The following ZNF385D variants were observed in gnomAD, a reference collection of about 807,000 sequenced individuals.
ZNF385D encodes the protein zinc finger protein 385D.
ZNF385D carries 15 observed loss-of-function variants against 35.8 expected under a neutral mutation model. That is an observed-to-expected ratio of 0.42 (90% CI 0.28 to 0.64). The LOEUF (loss-of-function observed/expected upper bound fraction) is 0.64, where lower values mean the gene tolerates loss of function less well. ZNF385D is among the 30% of genes least tolerant of loss of function. The probability of loss-of-function intolerance (pLI) is 0.23; values close to 1 mark genes in which losing one functional copy is unlikely to be tolerated. For synonymous variants in ZNF385D, 212 were observed against 186.8 expected, an observed-to-expected ratio of 1.13 and a Z score of -1.10; for missense variants, 474 against 494.6, an observed-to-expected ratio of 0.96 and a Z score of 0.39.
chr3:21,757,444 A>C (rs1190422482), intron 3 of ZNF385D, among the ~76,000 whole-genome samples: 10 of 152,242 alleles, frequency 6.6e-5, no homozygotes, highest in Non-Finnish European at 4.4e-5. Flanking sequence ...CACCTGGCCT[A>C]AATTTATTAT....
chr3:21,576,870 T>C (rs1186616219), intron 2 of ZNF385D, among the ~76,000 whole-genome samples: 2 of 152,328 alleles, frequency 1.3e-5, no homozygotes, highest in Non-Finnish European at 2.9e-5. Context: ...TAGAACATTA[T>C]TATTTTTAAT....
chr3:22,174,644 A>G (rs2125768287), intron 2 of ZNF385D, among the ~76,000 whole-genome samples: 1 of 152,292 alleles, frequency 6.6e-6, no homozygotes, highest in South Asian at 2.1e-4. Context: ...AAATTCCTTT[A>G]GAAATCTTGA....
At chr3:21,821,758 C>T (rs994897549) in intron 3 of ZNF385D, among the ~76,000 whole-genome samples, 9 of 151,994 alleles carry the variant, frequency 5.9e-5, no homozygotes, top group Non-Finnish European at 1.0e-4. Context: ...CTCAGGAGTT[C>T]GAGACCAGAC....
chr3:22,235,547 C>T lies in ZNF385D; in HGVS notation c.107-66512G>A, dbSNP rs190080775. The stretch of plus-strand genomic sequence containing the variant: ...AGAGACAAAATATTCAACTCTTATG[C>T]TAAACAGTGTTTTCTAAATGTTTAA... On this transcript the variant is annotated intron_variant, in intron 2 of 5. Coordinates refer to the ZNF385D transcript ENST00000494108. Among the ~76,000 whole-genome samples the T allele has an allele frequency of 3.9e-4, 60 of 152,150 alleles. 1 individual carries two copies. In the East Asian group the frequency reaches 7.7e-3, roughly 20 times the overall value.
chr3:21,570,582 T>G (rs2125673728), intron 2 of ZNF385D, among the ~76,000 whole-genome samples: 1 of 152,314 alleles, frequency 6.6e-6, no homozygotes, highest in African/African-American at 2.4e-5. Flanking sequence ...TTTCATCTGG[T>G]ATTTGTATGT....
At chr3:21,631,995 A>G (rs892260930) in intron 2 of ZNF385D, among the ~76,000 whole-genome samples, 2 of 152,166 alleles carry the variant, frequency 1.3e-5, no homozygotes, top group African/African-American at 2.4e-5. Context: ...TATGATGTGT[A>G]TATCTAGTTA....
In ZNF385D at chr3:21,623,995, T is replaced by TA. The variant is rs544028543; in HGVS notation, c.165+40890dup. On this transcript the variant is annotated intron_variant, in intron 2 of 7. Transcript: ENST00000281523. ...GAAAGGGAATGGCTTTATGACGACT[T>TA]ATGGTAGTTTGCTTTTTCAGAGACA... Among the ~76,000 whole-genome samples the TA allele has an allele frequency of 1.7e-3, 257 of 152,212 alleles. 3 individuals are homozygous for TA. Among genetic ancestry groups the TA allele is most frequent in the Admixed American group, 0.015 (232 of 15,252 alleles).
chr3:22,241,269 G>A (rs1699477741), intron 2 of ZNF385D, among the ~76,000 whole-genome samples: 1 of 151,158 alleles, frequency 6.6e-6, no homozygotes, highest in Non-Finnish European at 1.5e-5. Context: ...GAGGAAGGTG[G>A]CAAGACTTTG....
chr3:22,347,942 G>C (rs1286654257), intron 2 of ZNF385D, among the ~76,000 whole-genome samples: 1 of 152,080 alleles, frequency 6.6e-6, no homozygotes, highest in Non-Finnish European at 1.5e-5. Context: ...CAATATGATT[G>C]CTTTTTCTTG....
intron 3 of ZNF385D, among the ~76,000 whole-genome samples, chr3:22,049,379 T>C (rs896811275): frequency 1.3e-5 from 2 of 152,064 alleles, no homozygotes; most frequent in African/African-American, 4.8e-5. Flanking sequence ...CCTGCAACTT[T>C]ACTGTAGTTG....
At chr3:21,443,302 G>T in intron 4 of ZNF385D, 1 of 985,344 alleles carries the variant, frequency 1.0e-6, no homozygotes, top group Non-Finnish European at 1.2e-6. Context: ...TTATTCTCCA[G>T]GTCCCAAGGA....
At chr3:21,786,385 C>A (rs112849267) in intron 3 of ZNF385D, among the ~76,000 whole-genome samples, 1 of 152,092 alleles carries the variant, frequency 6.6e-6, no homozygotes, top group Non-Finnish European at 1.5e-5. Context: ...TTAGGGAAGT[C>A]GGCATTTTTT....
At chr3:22,220,359 C>T (rs544887194) in intron 2 of ZNF385D, among the ~76,000 whole-genome samples, 2 of 152,264 alleles carry the variant, frequency 1.3e-5, no homozygotes, top group African/African-American at 4.8e-5. Flanking sequence ...TTAGGAGCCA[C>T]TGCCTCCAGC....
At chr3:22,294,706 T>A (rs1168827949) in intron 2 of ZNF385D, among the ~76,000 whole-genome samples, 1 of 152,084 alleles carries the variant, frequency 6.6e-6, no homozygotes. Context: ...GCTTCTATGT[T>A]CTGAATTGCA....
At chr3:22,333,080 G>A (rs1695011808) in intron 2 of ZNF385D, among the ~76,000 whole-genome samples, 1 of 152,014 alleles carries the variant, frequency 6.6e-6, no homozygotes, top group African/African-American at 2.4e-5. Context: ...TGTTGGACAT[G>A]GAATTCTAGC....
Position 21,427,732 on chromosome 3 carries a change from A to G in ZNF385D, c.674-2062T>C, listed in dbSNP as rs556428566. 2.6e-5 allele frequency among the ~76,000 whole-genome samples: 4 copies of G among 152,292 alleles called. No homozygotes were observed. In the South Asian group the frequency reaches 8.3e-4, roughly 32 times the overall value. On this transcript the variant is annotated intron_variant, in intron 5 of 7. Transcript: ENST00000281523. ...TTTTTAGAGGAAGAATAGAAATGGG[A>G]CATATGTGAACATTTTAGAAATACC...
At chr3:21,921,202 G>A (rs7642727) in intron 3 of ZNF385D, among the ~76,000 whole-genome samples, 74,527 of 135,808 alleles carry the variant, frequency 0.55, 21,661 homozygotes, top group South Asian at 0.66. Context: ...CAGCCTGGGC[G>A]ACAGAGCGAG....
intron 3 of ZNF385D, among the ~76,000 whole-genome samples, chr3:21,962,629 G>A (rs1474421785): frequency 6.6e-6 from 1 of 152,166 alleles, no homozygotes; most frequent in Non-Finnish European, 1.5e-5. Context: ...GCTCCCAGAA[G>A]GGAAATGTGG....
At chr3:22,005,882 T>C (rs953867949) in intron 3 of ZNF385D, among the ~76,000 whole-genome samples, 7 of 152,184 alleles carry the variant, frequency 4.6e-5, no homozygotes, top group South Asian at 2.1e-4. Flanking sequence ...CAGGAAAATA[T>C]AGGTACTAAA....
Sources: gnomAD v4.1 joint callset for allele counts (sites outside exome capture counted in the v4.1 genomes callset) on GRCh38, gnomAD v4.1.1 for gene constraint, MANE v1.5 for transcripts, NCBI Gene and HGNC (gene_info 2026-07-23, HGNC 2026-07-21) for gene names.